Variants in TENM1 observed in about 807,000 individuals in gnomAD.
The protein encoded by TENM1 is teneurin transmembrane protein 1, also known as teneurin-1.
Under a neutral mutation model 174.8 loss-of-function variants are expected in TENM1, and 35 were observed. The ratio of observed to expected loss-of-function variants is 0.20; its 90% CI spans 0.15 to 0.27. The LOEUF is 0.27. Ranked by LOEUF, TENM1 falls within the 10% of genes least tolerant of loss-of-function variation. The pLI, the probability that TENM1 is intolerant of heterozygous loss-of-function variation, is 1.00. For missense variants in TENM1, 1,633 were observed against 2,130.1 expected (o/e 0.77, Z 4.59); for synonymous variants, 781 against 798.7 (o/e 0.98, Z 0.37).
intron 9 of TENM1, 96 bp from the exon 13 acceptor site, chrX:124,645,433 T>C (rs770757555): frequency 3.1e-5 from 26 of 840,373 alleles, no homozygotes; most frequent in Non-Finnish European, 3.9e-5. Context: ...AGGCAAAAAA[T>C]TGTACTATTT....
At chrX:124,729,743 T>A (rs7061957) in intron 4 of TENM1, among the ~76,000 whole-genome samples, 1,237 of 112,398 alleles carry the variant, frequency 0.011, 17 homozygotes, top group African/African-American at 0.038. Context: ...ATGCACAAGC[T>A]GTTTTGAAGA....
At chrX:125,142,022 TA>T in the TENM1 span, among the ~76,000 whole-genome samples, 1 of 111,929 alleles carries the variant, frequency 8.9e-6, no homozygotes, top group African/African-American at 3.2e-5. Context: ...AGATTTAAAT[TA>T]GAGAATACTA....
chrX:125,046,097 G>A, the TENM1 span, among the ~76,000 whole-genome samples: 2 of 111,609 alleles, frequency 1.8e-5, no homozygotes, highest in African/African-American at 6.5e-5. Flanking sequence ...ATTTCTGGTG[G>A]TATAAACCAA....
At chrX:125,092,305 G>A in the TENM1 span, among the ~76,000 whole-genome samples, 2 of 111,307 alleles carry the variant, frequency 1.8e-5, no homozygotes, top group Non-Finnish European at 3.8e-5. Flanking sequence ...AAAAGGATTG[G>A]GAAAGGTTCT....
At chrX:124,549,976 G>A (rs182514960) in intron 14 of TENM1, among the ~76,000 whole-genome samples, 10 of 109,107 alleles carry the variant, frequency 9.2e-5, no homozygotes, top group Non-Finnish European at 1.3e-4. Context: ...CAAGCTCAGC[G>A]TCGTCAGATA....
intron 3 of TENM1, among the ~76,000 whole-genome samples, chrX:124,857,802 C>A (rs1287512776): frequency 9.1e-6 from 1 of 110,014 alleles, no homozygotes; most frequent in Non-Finnish European, 1.9e-5. Context: ...CAAATATTTA[C>A]CTTTTCCTAG....
chrX:124,653,906 C>A, intron 6 of TENM1, 123 bp from the exon 10 acceptor site: 1 of 591,387 alleles, frequency 1.7e-6, no homozygotes, highest in South Asian at 3.1e-5. Flanking sequence ...CCTCCCCACC[C>A]CATCTGTCTT....
intron 11 of TENM1, among the ~76,000 whole-genome samples, chrX:124,610,864 C>A (rs183041655): frequency 9.0e-6 from 1 of 111,319 alleles, no homozygotes; most frequent in Non-Finnish European, 1.9e-5. Context: ...AGGAAGCATG[C>A]GACTTCCTTA....
the TENM1 span, among the ~76,000 whole-genome samples, chrX:125,197,596 G>A: frequency 9.0e-6 from 1 of 111,413 alleles, no homozygotes; most frequent in Non-Finnish European, 1.9e-5. Context: ...TTAAGTTTTA[G>A]TCAGATTTTA....
chrX:124,490,672 A>C lies in TENM1; in HGVS notation c.3696-3443T>G, dbSNP rs754524230. ...GCATTTGCCAGGCTCTTATTTTCTT[A>C]TCTCTTTCACTTTTAAGGGAAGGAC... On this transcript the variant is annotated intron_variant, in intron 20 of 31. Transcript: ENST00000422452. Among the ~76,000 whole-genome samples, 317 of 112,446 alleles carry C rather than the reference A, an allele frequency of 2.8e-3. 1 individual carries two copies. The highest frequency in any genetic ancestry group is 4.7e-3 in the Non-Finnish European group (248 of 53,240).
At chrX:125,119,450 C>CTT in the TENM1 span, among the ~76,000 whole-genome samples, 6,185 of 100,597 alleles carry the variant, frequency 0.061, 467 homozygotes, top group African/African-American at 0.21. Context: ...TTATTTACTG[C>CTT]TTTTTTTTTT....
chrX:124,419,980 T>C (rs891276178), intron 25 of TENM1, among the ~76,000 whole-genome samples: 2 of 112,170 alleles, frequency 1.8e-5, no homozygotes, highest in African/African-American at 6.5e-5. Context: ...AGTTTTGTTA[T>C]TTAAATGAAA....
chrX:124,760,935 C>T (rs916179602), intron 3 of TENM1, among the ~76,000 whole-genome samples: 3 of 112,118 alleles, frequency 2.7e-5, no homozygotes, highest in Admixed American at 9.4e-5. Context: ...CCAATAGACA[C>T]ATGAAAAAAT....
intron 14 of TENM1, among the ~76,000 whole-genome samples, chrX:124,550,975 G>A (rs1280633731): frequency 8.9e-6 from 1 of 111,880 alleles, no homozygotes; most frequent in East Asian, 2.8e-4. Flanking sequence ...GGCCAGGCTG[G>A]TCTCAAACTC....
At chrX:125,087,019 T>C in the TENM1 span, among the ~76,000 whole-genome samples, 2 of 111,466 alleles carry the variant, frequency 1.8e-5, no homozygotes, top group Non-Finnish European at 3.8e-5. Flanking sequence ...TTAGAGATAT[T>C]ATATGCCCTT....
At chrX:124,679,309 C>G (rs778183905) in intron 5 of TENM1, among the ~76,000 whole-genome samples, 1 of 112,035 alleles carries the variant, frequency 8.9e-6, no homozygotes, top group East Asian at 2.8e-4. Flanking sequence ...AATGCTACAG[C>G]TGTTGTACTT....
intron 11 of TENM1, among the ~76,000 whole-genome samples, chrX:124,605,279 C>A (rs893249161): frequency 1.9e-5 from 2 of 104,199 alleles, no homozygotes; most frequent in African/African-American, 7.0e-5. Flanking sequence ...GACTAGGTGA[C>A]TTTATGTGTA....
intron 11 of TENM1, among the ~76,000 whole-genome samples, chrX:124,566,507 A>T (rs2048945536): frequency 8.9e-6 from 1 of 112,303 alleles, no homozygotes. Context: ...GGAGGAAGAG[A>T]AGTAGGATAA....
the TENM1 span, among the ~76,000 whole-genome samples, chrX:125,139,823 A>AACAC: frequency 1.2e-3 from 96 of 78,525 alleles, no homozygotes; most frequent in African/African-American, 3.5e-3. Context: ...AGCTGCCCTC[A>AACAC]ACACACACAC....
Sources: allele counts gnomAD v4.1 joint callset (sites outside exome capture counted in the v4.1 genomes callset), GRCh38; gene constraint gnomAD v4.1.1; transcripts MANE v1.5; gene names NCBI Gene and HGNC (gene_info 2026-07-23, HGNC 2026-07-21).